The following JADE3 variants were observed in gnomAD, a reference collection of about 807,000 sequenced individuals.
JADE3 encodes jade family PHD finger 3.
JADE3 carries 2 observed loss-of-function variants against 50.1 expected under a neutral mutation model. The ratio of observed to expected loss-of-function variants is 0.04; its 90% CI spans 0.02 to 0.13. The LOEUF (loss-of-function observed/expected upper bound fraction) is 0.13. Among genes scored for constraint, JADE3 ranks in the 10% least tolerant of loss-of-function variants. JADE3 has a pLI of 1.00. For missense variants in JADE3, 475 were observed against 634.4 expected (o/e 0.75, Z 2.70); for synonymous variants, 218 against 232.9 (o/e 0.94, Z 0.58).
chrX:46,963,619 A>G (rs1018268225), intron 1 of JADE3, among the ~76,000 whole-genome samples: 6 of 112,101 alleles, frequency 5.4e-5, no homozygotes, highest in African/African-American at 1.6e-4. Flanking sequence ...CCTTATGCCT[A>G]TGGTCAACTA....
At chrX:47,002,288 A>G (rs1928305396) in intron 4 of JADE3, among the ~76,000 whole-genome samples, 1 of 111,692 alleles carries the variant, frequency 9.0e-6, no homozygotes, top group South Asian at 3.7e-4. Flanking sequence ...GTAAGATATG[A>G]GGCATAGATC....
At chrX:46,970,097 T>A (rs1556349945) in intron 1 of JADE3, among the ~76,000 whole-genome samples, 1 of 112,368 alleles carries the variant, frequency 8.9e-6, no homozygotes, top group African/African-American at 3.2e-5. Flanking sequence ...CTGACTTAAT[T>A]GGTAATGGGT....
intron 1 of JADE3, among the ~76,000 whole-genome samples, chrX:46,965,694 A>G (rs1456128252): frequency 9.0e-6 from 1 of 111,665 alleles, no homozygotes; most frequent in Non-Finnish European, 1.9e-5. Context: ...TCCTCCTGGG[A>G]GAAGGGATGG....
chrX:47,032,727 A>T (rs782525926), intron 6 of JADE3, among the ~76,000 whole-genome samples: 1 of 111,195 alleles, frequency 9.0e-6, no homozygotes, highest in South Asian at 3.9e-4. Flanking sequence ...GATAGGAAGT[A>T]TGGTGGTGAC....
At chrX:47,024,340 A>G (rs1928861645) in intron 4 of JADE3, among the ~76,000 whole-genome samples, 1 of 111,683 alleles carries the variant, frequency 9.0e-6, no homozygotes, top group African/African-American at 3.3e-5. Context: ...AAATTTTTCA[A>G]ACGTTAGCCA....
chrX:46,966,900 A>G (rs1927380683), intron 1 of JADE3, among the ~76,000 whole-genome samples: 1 of 112,058 alleles, frequency 8.9e-6, no homozygotes, highest in African/African-American at 3.2e-5. Flanking sequence ...GTTCATAGAA[A>G]ATCATCCATA....
intron 1 of JADE3, among the ~76,000 whole-genome samples, chrX:46,927,130 T>G (rs1342198546): frequency 2.7e-5 from 3 of 112,225 alleles, no homozygotes; most frequent in Admixed American, 9.4e-5. Flanking sequence ...TCCTGCTTTT[T>G]CTTTTTACTA....
intron 1 of JADE3, among the ~76,000 whole-genome samples, chrX:46,983,531 A>T (rs1927801477): frequency 9.0e-6 from 1 of 111,151 alleles, no homozygotes. Context: ...CAGCAAAAGT[A>T]GCTGGGAACG....
At chrX:47,035,266 A>G (rs782297559) in intron 7 of JADE3, among the ~76,000 whole-genome samples, 17 of 110,757 alleles carry the variant, frequency 1.5e-4, no homozygotes, top group Non-Finnish European at 2.6e-4. Flanking sequence ...CTCCTTTAAG[A>G]TTTTCTTGTT....
intron 1 of JADE3, among the ~76,000 whole-genome samples, chrX:46,915,884 C>G (rs1926073478): frequency 9.0e-6 from 1 of 111,511 alleles, no homozygotes; most frequent in Non-Finnish European, 1.9e-5. Flanking sequence ...AGTACTGGGG[C>G]TTTGACCAAT....
chrX:46,972,328 TG>T (rs1343594158), intron 1 of JADE3, among the ~76,000 whole-genome samples: 5 of 110,588 alleles, frequency 4.5e-5, no homozygotes, highest in African/African-American at 1.6e-4. Flanking sequence ...CCTGAATAGC[TG>T]GGATTATAGG....
Position 47,060,236 on chromosome X carries a change from G to GC in JADE3, c.*1160dup, listed in dbSNP as rs1185465212. 4.1e-5 allele frequency: 3 copies of GC among 72,940 alleles called. No homozygotes were observed. Among genetic ancestry groups the GC allele is most frequent in the African/African-American group, 1.3e-4 (2 of 15,368 alleles). The allele number at this position is 72,940 out of a possible 1,213,427, so 6.0% of individuals were successfully genotyped here. On this transcript the variant is annotated 3_prime_UTR_variant, in exon 11 of 11. Coordinates refer to ENST00000614628, the MANE Select transcript of JADE3 (RefSeq NM_014735.5). ...TAGTAGGAAGAGAATAATTACATTT[G>GC]CGGGGGGGGGGGTGGATAAAAACAT... is the stretch of plus-strand genomic sequence containing the variant.
chrX:47,049,181 C>CTTT lies in JADE3; in HGVS notation c.973-4959_973-4957dup, dbSNP rs376747614. 2.2e-3 allele frequency among the ~76,000 whole-genome samples: 167 copies of CTTT among 77,529 alleles called. 3 individuals are homozygous for CTTT. Among genetic ancestry groups the CTTT allele is most frequent in the Middle Eastern group, 7.9e-3 (1 of 126 alleles). The allele number at this position is 77,529 out of a possible 115,157, so 67.3% of individuals were successfully genotyped here. On this transcript the variant is annotated intron_variant, in intron 8 of 10. Transcript: ENST00000614628. ...GTATCTGACTGGCACCTTTCTTCTT[C>CTTT]TTTTTTTTTTTTTTTTTTTTCCCTG... is the stretch of plus-strand genomic sequence containing the variant.
At position 47,054,454 on chromosome X, in the gene JADE3, C is replaced by T. The variant is rs782683076; in HGVS notation, c.1269C>T (p.Pro423=). Residue 423 remains proline (P), a synonymous_variant, in exon 9 of 11, where the codon CCC becomes CCT. Transcript: ENST00000614628. ...VEDVAAELGM[P]TLAVDFIYNY... ...ATGTGGCCGCAGAGCTGGGTATGCC[C>T]ACGCTAGCTGTGGACTTTATCTATA... 2.5e-6 allele frequency: 3 copies of T among 1,209,480 alleles called. No individual in the cohort carries two copies. The highest frequency in any genetic ancestry group is 4.4e-5 in the Admixed American group (2 of 45,693).
At chrX:46,962,297 A>G (rs1280989098) in intron 1 of JADE3, among the ~76,000 whole-genome samples, 1 of 112,253 alleles carries the variant, frequency 8.9e-6, no homozygotes, top group Non-Finnish European at 1.9e-5. Flanking sequence ...AAACTAGAAT[A>G]AAATCAAATA....
chrX:46,993,049 G>GT (rs1188198508), intron 3 of JADE3, among the ~76,000 whole-genome samples: 3 of 111,828 alleles, frequency 2.7e-5, no homozygotes. Context: ...AAAGTACATA[G>GT]TAACTGGCTG....
intron 1 of JADE3, among the ~76,000 whole-genome samples, chrX:46,978,722 C>T (rs888893226): frequency 4.5e-5 from 5 of 111,204 alleles, no homozygotes; most frequent in Non-Finnish European, 9.4e-5. Context: ...GCTGTCATCC[C>T]TCCAGCCTGT....
chrX:46,981,461 C>T (rs1569536283), intron 1 of JADE3, among the ~76,000 whole-genome samples: 1 of 111,623 alleles, frequency 9.0e-6, no homozygotes, highest in Non-Finnish European at 1.9e-5. Context: ...ACTTTAAATT[C>T]CCCACTACTA....
At chrX:47,040,289 C>T (rs1199069123) in intron 8 of JADE3, among the ~76,000 whole-genome samples, 5 of 111,988 alleles carry the variant, frequency 4.5e-5, no homozygotes, top group African/African-American at 9.7e-5. Context: ...TGGTCCATGG[C>T]CTGTTAGGAA....
Sources: gnomAD v4.1 joint callset for allele counts (sites outside exome capture counted in the v4.1 genomes callset) on GRCh38, gnomAD v4.1.1 for gene constraint, MANE v1.5 for transcripts, NCBI Gene and HGNC (gene_info 2026-07-23, HGNC 2026-07-21) for gene names.